EPHA7: variants seen among roughly 807,000 people sequenced by gnomAD.
EPHA7 encodes the protein EPH receptor A7, also known as ephrin type-A receptor 7.
Under a neutral mutation model 112.6 loss-of-function variants are expected in EPHA7, and 25 were observed. That is an observed-to-expected ratio of 0.22 (90% CI 0.16 to 0.31). The LOEUF (loss-of-function observed/expected upper bound fraction) is 0.31. Ranked by LOEUF, EPHA7 falls within the 10% of genes least tolerant of loss-of-function variation. The probability of loss-of-function intolerance (pLI) is 1.00; values close to 1 mark genes in which losing one functional copy is unlikely to be tolerated. For missense variants in EPHA7, 962 were observed against 1,212.6 expected (o/e 0.79, Z 3.07); for synonymous variants, 437 against 406.5 (o/e 1.07, Z -0.90).
At chr6:93,393,508 G>A (rs1471514707) in intron 3 of EPHA7, among the ~76,000 whole-genome samples, 2 of 151,786 alleles carry the variant, frequency 1.3e-5, no homozygotes, top group Non-Finnish European at 2.9e-5. Flanking sequence ...AAATGATTCA[G>A]TAAAGAATAA....
chr6:93,291,066 A>G (rs1414359507), intron 5 of EPHA7, among the ~76,000 whole-genome samples: 1 of 152,220 alleles, frequency 6.6e-6, no homozygotes, highest in Non-Finnish European at 1.5e-5. Context: ...CTTTAAAATG[A>G]GTAAATTTTA....
chr6:93,410,719 C>T lies in EPHA7; in HGVS notation c.614G>A (p.Cys205Tyr). The part of the protein sequence containing the change: ...LVSVKVYYKK[C>Y]WSIIENLAIF... ...AGCTAAGTTCTCAATAATGGACCAG[C>T]ACTTCTTGTAGTACACTTTGACAGA... is the stretch of plus-strand genomic sequence containing the variant. The change falls in exon 3 of 17, where the codon TGC becomes TAC. Residue 205 changes from cysteine (C) to tyrosine (Y), a missense_variant. Cys to Tyr is a radical substitution (Grantham distance 194, BLOSUM62 -2). Coordinates refer to ENST00000369303, the MANE Select transcript of EPHA7 (RefSeq NM_004440.4). The surrounding 1 kb of genome is among the most constrained non-coding windows in gnomAD (Gnocchi z 4.0). 1 of 1,614,032 alleles carries T rather than the reference C, an allele frequency of 6.2e-7. No individual in the cohort carries two copies.
chr6:93,356,751 G>A lies in EPHA7; in HGVS notation c.1290C>T (p.Leu430=). The change falls in exon 5 of 17, where the codon CTC becomes CTT. Residue 430 remains leucine (L), a synonymous_variant. Coordinates refer to ENST00000369303, the MANE Select transcript of EPHA7 (RefSeq NM_004440.4). ...CAGTGGTGATACTGACAGCAGCAAA[G>A]AGCCTCTGGGATCGGCTTAAGTCAG... ...GVSDLSRSQR[L]FAAVSITTGQ... The A allele has an allele frequency of 1.2e-6, 2 of 1,613,656 alleles. No individual in the cohort carries two copies. The highest frequency in any genetic ancestry group is 1.7e-6 in the Non-Finnish European group (2 of 1,179,734).
chr6:93,340,859 A>G (rs993813400), intron 5 of EPHA7, among the ~76,000 whole-genome samples: 1 of 151,960 alleles, frequency 6.6e-6, no homozygotes, highest in African/African-American at 2.4e-5. Flanking sequence ...AAACAAAGTT[A>G]GCTGTGTAAA....
chr6:93,351,470 T>G lies in EPHA7; in HGVS notation c.1324+5247A>C, dbSNP rs558355398. Among the ~76,000 whole-genome samples, 6 of 152,200 alleles carry G rather than the reference T, an allele frequency of 3.9e-5. No individual in the cohort carries two copies. The South Asian group carries it at 1.2e-3, about 32-fold the overall frequency. On this transcript the variant is annotated intron_variant, in intron 5 of 16. Transcript: ENST00000369303. ...TAACCTCTTTCAAGAGGTTTCAGTT[T>G]TCATCCTAATTCCTTCCAGATGCTT...
chr6:93,253,800 T>C (rs1039169475), intron 14 of EPHA7, among the ~76,000 whole-genome samples: 1 of 152,114 alleles, frequency 6.6e-6, no homozygotes, highest in Non-Finnish European at 1.5e-5. Context: ...ATCCTGGATA[T>C]CTTCCTAGAT....
At chr6:93,411,650 C>A (rs982288520) in intron 2 of EPHA7, among the ~76,000 whole-genome samples, 2 of 152,076 alleles carry the variant, frequency 1.3e-5, no homozygotes, top group African/African-American at 2.4e-5. Flanking sequence ...TCTGAATAAA[C>A]CATTCAACAA....
At chr6:93,299,823 G>A (rs368925338) in intron 5 of EPHA7, among the ~76,000 whole-genome samples, 2 of 152,204 alleles carry the variant, frequency 1.3e-5, no homozygotes, top group East Asian at 1.9e-4. Context: ...GTCTTTTGCA[G>A]GAACTTGGAT....
chr6:93,269,390 G>T, intron 7 of EPHA7, 87 bp downstream of exon 7: 3 of 1,024,438 alleles, frequency 2.9e-6, no homozygotes, highest in Admixed American at 2.6e-5. Context: ...AATTATGATG[G>T]TGCAAATGAT....
At chr6:93,322,508 G>T (rs1353104803) in intron 5 of EPHA7, among the ~76,000 whole-genome samples, 1 of 151,512 alleles carries the variant, frequency 6.6e-6, no homozygotes, top group Non-Finnish European at 1.5e-5. Flanking sequence ...TTTTGCAGAG[G>T]CATACTCTTC....
chr6:93,353,008 T>C (rs552023133), intron 5 of EPHA7, among the ~76,000 whole-genome samples: 6 of 152,166 alleles, frequency 3.9e-5, no homozygotes, highest in African/African-American at 1.4e-4. Flanking sequence ...ACCTGGGTGA[T>C]GAAATAATCT....
intron 1 of EPHA7, among the ~76,000 whole-genome samples, 169 bp downstream of exon 1, chr6:93,419,076 G>T (rs1239453589): frequency 1.3e-5 from 2 of 152,172 alleles, no homozygotes; most frequent in Admixed American, 6.5e-5. Flanking sequence ...CCTGGTTCGC[G>T]CTCGCTGGTC....
chr6:93,358,896 T>C (rs963378784), intron 3 of EPHA7, among the ~76,000 whole-genome samples: 4 of 152,148 alleles, frequency 2.6e-5, no homozygotes, highest in Non-Finnish European at 5.9e-5. Flanking sequence ...TAGAAATAAA[T>C]AACTATGTAA....
At chr6:93,345,978 A>C (rs1362579119) in intron 5 of EPHA7, among the ~76,000 whole-genome samples, 2 of 151,668 alleles carry the variant, frequency 1.3e-5, no homozygotes, top group East Asian at 3.9e-4. Flanking sequence ...ATGTAGTGAA[A>C]ACAGAACAAC....
At chr6:93,254,948 T>C in intron 13 of EPHA7, 152 bp from the exon 14 acceptor site, 1 of 567,816 alleles carries the variant, frequency 1.8e-6, no homozygotes, top group Non-Finnish European at 3.0e-6. Flanking sequence ...TAAAGTTATT[T>C]ATCTGATTTT....
intron 8 of EPHA7, 53 bp from the exon 9 acceptor site, chr6:93,263,968 A>C (rs901455): frequency 0.5 from 714,986 of 1,423,870 alleles, 184,437 homozygotes; most frequent in South Asian, 0.71. Flanking sequence ...TATATATTTA[A>C]TATTCAGTAC....
Position 93,362,657 on chromosome 6 carries a change from A to C in EPHA7, c.833-4246T>G, listed in dbSNP as rs1562125893. Among the ~76,000 whole-genome samples, 5 of 152,144 alleles carry C rather than the reference A, an allele frequency of 3.3e-5. No individual in the cohort carries two copies. The South Asian group carries it at 8.3e-4, about 25-fold the overall frequency. On this transcript the variant is annotated intron_variant, in intron 3 of 16. Transcript: ENST00000369303. Reference sequence around the variant, plus strand: ...AGCAATGGGATGCCAGGCCACTGAGACTATACTTGCATTATGCAGTCAGTG... The same window carrying C: ...AGCAATGGGATGCCAGGCCACTGAGCCTATACTTGCATTATGCAGTCAGTG...
intron 3 of EPHA7, among the ~76,000 whole-genome samples, chr6:93,392,102 T>C (rs1055399324): frequency 2.6e-5 from 4 of 152,010 alleles, no homozygotes; most frequent in African/African-American, 9.7e-5. Flanking sequence ...ACCCAATTCC[T>C]TCCATCTCAG....
In EPHA7 at chr6:93,328,416, G is replaced by A. The variant is rs530011570; in HGVS notation, c.1324+28301C>T. Reference sequence around the variant, plus strand: ...GAGTAATGTATGAAACATGTGAAATGCTGAATAAATATCTTTGAATGATAC... The same window carrying A: ...GAGTAATGTATGAAACATGTGAAATACTGAATAAATATCTTTGAATGATAC... On this transcript the variant is annotated intron_variant, in intron 5 of 16. Coordinates refer to ENST00000369303, the MANE Select transcript of EPHA7 (RefSeq NM_004440.4). Among the ~76,000 whole-genome samples, 5 of 151,498 alleles carry A rather than the reference G, an allele frequency of 3.3e-5. No individual in the cohort carries two copies. In the South Asian group the frequency reaches 1.0e-3, roughly 31 times the overall value.
Sources: allele counts gnomAD v4.1 joint callset (sites outside exome capture counted in the v4.1 genomes callset), GRCh38; gene constraint gnomAD v4.1.1; non-coding constraint Gnocchi (gnomAD v3.1); transcripts MANE v1.5; gene names NCBI Gene and HGNC (gene_info 2026-07-23, HGNC 2026-07-21).